CSMD1: variants seen among roughly 807,000 people sequenced by gnomAD.
CSMD1 encodes the protein CUB and sushi domain-containing protein 1.
In CSMD1, 213 loss-of-function variants were observed where a neutral mutation model predicts 417.5. The ratio of observed to expected loss-of-function variants is 0.51; its 90% CI spans 0.46 to 0.57. The LOEUF is 0.57. CSMD1 is among the 20% of genes least tolerant of loss of function. CSMD1 has a pLI of 0.00. For synonymous variants in CSMD1, 2,862 were observed against 1,736.8 expected, an observed-to-expected ratio of 1.65 and a Z score of -16.11; for missense variants, 6,923 against 4,529.7, an observed-to-expected ratio of 1.53 and a Z score of -15.17.
chr8:4,201,076 AC>A (rs1799617674), intron 3 of CSMD1, among the ~76,000 whole-genome samples: 2 of 152,174 alleles, frequency 1.3e-5, no homozygotes, highest in African/African-American at 2.4e-5. Flanking sequence ...TACCTAGATA[AC>A]CTTGGGCCAA....
intron 1 of CSMD1, among the ~76,000 whole-genome samples, chr8:4,688,549 A>G (rs946680451): frequency 2.0e-5 from 3 of 152,206 alleles, no homozygotes; most frequent in Admixed American, 6.5e-5. Flanking sequence ...ATGGCTCTTA[A>G]TTAAATGGTC....
At chr8:3,957,342 T>C (rs1288754299) in intron 5 of CSMD1, among the ~76,000 whole-genome samples, 2 of 152,120 alleles carry the variant, frequency 1.3e-5, no homozygotes, top group Non-Finnish European at 2.9e-5. Flanking sequence ...TATTTATGAG[T>C]GTGTTCTACG....
intron 2 of CSMD1, among the ~76,000 whole-genome samples, chr8:4,446,767 G>GTGTGTGTGTGTC (rs1798832198): frequency 9.8e-6 from 1 of 101,964 alleles, no homozygotes; most frequent in African/African-American, 4.9e-5. Context: ...GTGTGTGTGT[G>GTGTGTGTGTGTC]TGTGTGTGTG....
rs147501604 is a variant in CSMD1 at position 3,883,159 on chromosome 8, C to G, written c.818+114744G>C. On this transcript the variant is annotated intron_variant, in intron 5 of 69. Coordinates refer to ENST00000635120, the MANE Select transcript of CSMD1 (RefSeq NM_033225.6). ...CCACATCATACTTGCAAGCTCAGGC[C>G]TTGGAATTAAATGGCTGGGTGCAAA... 4.4e-3 allele frequency among the ~76,000 whole-genome samples: 665 copies of G among 152,154 alleles called. 4 individuals are homozygous for G. The highest frequency in any genetic ancestry group is 0.015 in the African/African-American group (633 of 41,510).
intron 1 of CSMD1, among the ~76,000 whole-genome samples, chr8:4,883,172 G>A (rs1016834544): frequency 5.9e-5 from 9 of 152,050 alleles, no homozygotes; most frequent in African/African-American, 2.2e-4. Context: ...TTTCTCTTGT[G>A]CAAGAATGCT....
At chr8:4,128,533 A>C (rs968728181) in intron 3 of CSMD1, among the ~76,000 whole-genome samples, 2 of 152,090 alleles carry the variant, frequency 1.3e-5, no homozygotes, top group Non-Finnish European at 1.5e-5. Flanking sequence ...ACCCCCTCCT[A>C]TATTCTATTT....
chr8:3,805,633 T>G (rs974943915), intron 5 of CSMD1, among the ~76,000 whole-genome samples: 5 of 152,152 alleles, frequency 3.3e-5, no homozygotes, highest in African/African-American at 1.2e-4. Flanking sequence ...GATATTACCT[T>G]GGTGGGGAGT....
chr8:4,334,247 T>C (rs969104494), intron 3 of CSMD1, among the ~76,000 whole-genome samples: 5 of 152,098 alleles, frequency 3.3e-5, no homozygotes, highest in Non-Finnish European at 7.4e-5. Context: ...TTAATGTGTA[T>C]GATAAGGTGC....
At chr8:3,476,416 T>C (rs1321574603) in intron 11 of CSMD1, among the ~76,000 whole-genome samples, 1 of 152,176 alleles carries the variant, frequency 6.6e-6, no homozygotes. Flanking sequence ...ACTATAAACA[T>C]TCACATGGTA....
chr8:3,407,558 G>A (rs904629578), intron 14 of CSMD1, among the ~76,000 whole-genome samples: 1 of 151,770 alleles, frequency 6.6e-6, no homozygotes, highest in Non-Finnish European at 1.5e-5. Context: ...AGAATAGATG[G>A]AATAATGGTT....
At chr8:3,505,577 A>G (rs1296496612) in intron 10 of CSMD1, among the ~76,000 whole-genome samples, 1 of 152,176 alleles carries the variant, frequency 6.6e-6, no homozygotes, top group Non-Finnish European at 1.5e-5. Flanking sequence ...CACTAACAAC[A>G]CCAGAAGAAT....
chr8:3,914,982 CG>C (rs1808716908), intron 5 of CSMD1, among the ~76,000 whole-genome samples: 1 of 152,076 alleles, frequency 6.6e-6, no homozygotes, highest in African/African-American at 2.4e-5. Context: ...GAAAGCTGAA[CG>C]GAACAGCCTT....
intron 3 of CSMD1, among the ~76,000 whole-genome samples, chr8:4,237,944 G>C (rs890267754): frequency 6.6e-6 from 1 of 152,204 alleles, no homozygotes; most frequent in African/African-American, 2.4e-5. Context: ...GAGAAGCAGA[G>C]TCTCCAGGAG....
At chr8:3,768,020 C>G (rs1051408539) in intron 5 of CSMD1, among the ~76,000 whole-genome samples, 1 of 152,060 alleles carries the variant, frequency 6.6e-6, no homozygotes. Flanking sequence ...CATGAATGCA[C>G]CAGGTATACA....
chr8:3,981,935 G>T lies in CSMD1; in HGVS notation c.818+15968C>A, dbSNP rs542813732. 1.5e-4 allele frequency among the ~76,000 whole-genome samples: 23 copies of T among 152,110 alleles called. No individual in the cohort carries two copies. The East Asian group carries it at 4.5e-3, about 29-fold the overall frequency. Reference sequence around the variant, plus strand: ...GCCTGTAATCCCGGCACTTTGGGAGGCCGAGGCAGGTGGATCACAAGTTCA... The same window carrying T: ...GCCTGTAATCCCGGCACTTTGGGAGTCCGAGGCAGGTGGATCACAAGTTCA... On this transcript the variant is annotated intron_variant, in intron 5 of 69. Transcript: ENST00000635120.
rs949545725 is a variant in CSMD1 at position 4,666,963 on chromosome 8, T to G, written c.86-29405A>C. Among the ~76,000 whole-genome samples, 3 of 152,198 alleles carry G rather than the reference T, an allele frequency of 2.0e-5. No homozygotes were observed. The South Asian group carries it at 6.2e-4, about 31-fold the overall frequency. ...TTGTGAAGCATTTATAAAATTTTTA[T>G]GTAATTTTTATTCCTTTAGTTTATA... On this transcript the variant is annotated intron_variant, in intron 1 of 69. Transcript: ENST00000635120.
At chr8:4,387,450 C>G (rs1340458357) in intron 3 of CSMD1, among the ~76,000 whole-genome samples, 1 of 151,088 alleles carries the variant, frequency 6.6e-6, no homozygotes, top group Non-Finnish European at 1.5e-5. Flanking sequence ...TATGCTTGGT[C>G]TCCATAATCA....
At chr8:4,939,023 T>G (rs139373617) in intron 1 of CSMD1, among the ~76,000 whole-genome samples, 1 of 152,308 alleles carries the variant, frequency 6.6e-6, no homozygotes, top group East Asian at 1.9e-4. Context: ...TAGGAATGTT[T>G]TCTACGTGTT....
At chr8:4,318,972 A>C (rs1346061234) in intron 3 of CSMD1, among the ~76,000 whole-genome samples, 1 of 152,134 alleles carries the variant, frequency 6.6e-6, no homozygotes, top group Admixed American at 6.6e-5. Flanking sequence ...AATAATGACA[A>C]TCTATCATCT....
Sources: allele counts gnomAD v4.1 joint callset (sites outside exome capture counted in the v4.1 genomes callset), GRCh38; gene constraint gnomAD v4.1.1; transcripts MANE v1.5; gene names NCBI Gene and HGNC (gene_info 2026-07-23, HGNC 2026-07-21).